Variants in ULK4 observed in about 807,000 individuals in gnomAD.
ULK4 encodes the protein inactive serine/threonine-protein kinase ULK4.
In ULK4, 133 loss-of-function variants were observed where a neutral mutation model predicts 160.6. That is an observed-to-expected ratio of 0.83 (90% confidence interval 0.72 to 0.96). The LOEUF (loss-of-function observed/expected upper bound fraction) is 0.96. Ranked by LOEUF, ULK4 falls within the 40% of genes least tolerant of loss-of-function variation. The probability of loss-of-function intolerance (pLI) is 0.00; values close to 1 mark genes in which losing one functional copy is unlikely to be tolerated. For missense variants in ULK4, 1,580 were observed against 1,499.5 expected, an observed-to-expected ratio of 1.05 and a Z score of -0.89; for synonymous variants, 534 against 539.8, an observed-to-expected ratio of 0.99 and a Z score of 0.15.
intron 34 of ULK4, among the ~76,000 whole-genome samples, chr3:41,417,349 C>G (rs1257834783): frequency 6.6e-6 from 1 of 152,114 alleles, no homozygotes; most frequent in African/African-American, 2.4e-5. Flanking sequence ...GGGAATATGT[C>G]TAGAAGCTCA....
intron 16 of ULK4, among the ~76,000 whole-genome samples, chr3:41,888,355 T>A (rs1697802003): frequency 6.6e-6 from 1 of 152,138 alleles, no homozygotes; most frequent in Non-Finnish European, 1.5e-5. Flanking sequence ...AAAGGAAGGC[T>A]AAAAGTGGAC....
intron 32 of ULK4, among the ~76,000 whole-genome samples, chr3:41,492,923 T>C (rs1338868572): frequency 1.4e-5 from 2 of 144,736 alleles, no homozygotes; most frequent in African/African-American, 5.1e-5. Flanking sequence ...CCCAGATTCA[T>C]AAAGCAAGTC....
chr3:41,703,695 A>T (rs1484419734), intron 27 of ULK4, among the ~76,000 whole-genome samples: 1 of 152,202 alleles, frequency 6.6e-6, no homozygotes, highest in Non-Finnish European at 1.5e-5. Flanking sequence ...GCAAAATGAA[A>T]CAATGGCATT....
At chr3:41,770,660 A>C (rs1559540151) in intron 21 of ULK4, among the ~76,000 whole-genome samples, 2 of 151,870 alleles carry the variant, frequency 1.3e-5, no homozygotes, top group East Asian at 3.9e-4. Context: ...ACAAGCACGC[A>C]CTACCACGAC....
rs543271909 is a variant in ULK4, at chr3:41,918,462, G to A, written c.722C>T (p.Pro241Leu). ...TTTATCATAAGAAATCTTACCTTTCGGAATAGGTGGCAAAGGATCTTCACA... is the reference window on the plus strand; with the variant it reads ...TTTATCATAAGAAATCTTACCTTTCAGAATAGGTGGCAAAGGATCTTCACA... ...ILCEDPLPPIPKDSSRPKASS... is the reference protein window; with the variant it reads ...ILCEDPLPPILKDSSRPKASS... Residue 241 changes from proline to leucine, a missense_variant, in exon 7 of 37, where the codon CCG (proline) becomes CTG (leucine). Coordinates refer to ENST00000301831, the MANE Select transcript of ULK4 (RefSeq NM_017886.4). 25 of 1,572,902 alleles carry A rather than the reference G, an allele frequency of 1.6e-5. No individual in the cohort carries two copies. In the East Asian group the frequency reaches 2.0e-4, roughly 13 times the overall value.
At chr3:41,408,512 C>T (rs2082343695) in intron 34 of ULK4, among the ~76,000 whole-genome samples, 2 of 146,454 alleles carry the variant, frequency 1.4e-5, no homozygotes, top group South Asian at 2.2e-4. Flanking sequence ...GAAGATTAAA[C>T]ACTGTTAAGA....
At chr3:41,697,354 A>G (rs56738349) in intron 27 of ULK4, among the ~76,000 whole-genome samples, 28,880 of 152,008 alleles carry the variant, frequency 0.19, 7,362 homozygotes, top group African/African-American at 0.58. Context: ...GTAAGCCCAG[A>G]CTAACTGTGT....
rs138806245 is a variant in ULK4 at position 41,560,757 on chromosome 3, T to A, written c.3226+5268A>T. On this transcript the variant is annotated intron_variant, in intron 32 of 36. Coordinates refer to ENST00000301831, the MANE Select transcript of ULK4 (RefSeq NM_017886.4). ...GAAGTTGCTTATCAGCTTAAGGAGA[T>A]TTTGGGCTGAGACTATGGGGTTTTC... 7.7e-3 allele frequency among the ~76,000 whole-genome samples: 1,167 copies of A among 152,342 alleles called. 10 individuals are homozygous for A. The highest frequency in any genetic ancestry group is 0.034 in the Middle Eastern group (10 of 294).
intron 3 of ULK4, 28 bp from the exon 4 acceptor site, chr3:41,935,968 T>C (rs1368253518): frequency 6.3e-7 from 1 of 1,598,510 alleles, no homozygotes; most frequent in Non-Finnish European, 8.5e-7. Context: ...AAATCACCCA[T>C]TTCAACCCCC....
chr3:41,276,490 CAT>C (rs1009118056), intron 35 of ULK4, among the ~76,000 whole-genome samples: 8 of 152,174 alleles, frequency 5.3e-5, no homozygotes, highest in African/African-American at 1.7e-4. Flanking sequence ...AGGATAAAAA[CAT>C]GTGATAGAAA....
chr3:41,698,887 A>G (rs2036583287), intron 27 of ULK4, among the ~76,000 whole-genome samples: 1 of 152,196 alleles, frequency 6.6e-6, no homozygotes, highest in Non-Finnish European at 1.5e-5. Flanking sequence ...TGCAAGTGGA[A>G]TCATGGTATT....
At chr3:41,785,614 T>C (rs1337533876) in intron 21 of ULK4, among the ~76,000 whole-genome samples, 1 of 152,204 alleles carries the variant, frequency 6.6e-6, no homozygotes, top group Non-Finnish European at 1.5e-5. Flanking sequence ...CTTCTCCCTG[T>C]TCAACAGGAA....
intron 17 of ULK4, among the ~76,000 whole-genome samples, chr3:41,882,987 C>T (rs1203801503): frequency 1.3e-5 from 2 of 151,808 alleles, no homozygotes; most frequent in East Asian, 1.9e-4. Flanking sequence ...TTTTTTAGGC[C>T]CCCCAAAAAA....
At chr3:41,498,449 C>T (rs1447776953) in intron 32 of ULK4, among the ~76,000 whole-genome samples, 1 of 152,072 alleles carries the variant, frequency 6.6e-6, no homozygotes, top group Non-Finnish European at 1.5e-5. Flanking sequence ...AAATTCTCAC[C>T]TTAGGACTCC....
chr3:41,747,138 G>GA (rs2038447007), intron 22 of ULK4, among the ~76,000 whole-genome samples: 1 of 151,656 alleles, frequency 6.6e-6, no homozygotes, highest in Non-Finnish European at 1.5e-5. Flanking sequence ...ACCATTAAAG[G>GA]AAAAAATGAT....
intron 4 of ULK4, among the ~76,000 whole-genome samples, chr3:41,932,612 C>A (rs1486284129): frequency 1.3e-5 from 2 of 152,322 alleles, no homozygotes; most frequent in African/African-American, 2.4e-5. Flanking sequence ...GTGCTCAAGT[C>A]TGCTAATATA....
At chr3:41,327,246 T>G (rs569094152) in intron 35 of ULK4, among the ~76,000 whole-genome samples, 6 of 152,320 alleles carry the variant, frequency 3.9e-5, no homozygotes, top group African/African-American at 1.2e-4. Context: ...TGGAAGAACG[T>G]GTCTTGTTAC....
chr3:41,318,290 G>A (rs2691677), intron 35 of ULK4, among the ~76,000 whole-genome samples: 1 of 152,008 alleles, frequency 6.6e-6, no homozygotes, highest in South Asian at 2.1e-4. Flanking sequence ...TCAATTTGTA[G>A]GACAAGTTTG....
chr3:41,814,315 T>C (rs1173011056), intron 19 of ULK4, among the ~76,000 whole-genome samples: 1 of 152,240 alleles, frequency 6.6e-6, no homozygotes, highest in Non-Finnish European at 1.5e-5. Flanking sequence ...TCTCATTTAG[T>C]ATCTGCCTTT....
Sources: gnomAD v4.1 joint callset for allele counts (sites outside exome capture counted in the v4.1 genomes callset) on GRCh38, gnomAD v4.1.1 for gene constraint, MANE v1.5 for transcripts, NCBI Gene and HGNC (gene_info 2026-07-23, HGNC 2026-07-21) for gene names.